The following RPS6KC1 variants were observed in gnomAD, a reference collection of about 807,000 sequenced individuals.
RPS6KC1 encodes inactive ribosomal protein S6 kinase delta-1.
In RPS6KC1, 54 loss-of-function variants were observed where a neutral mutation model predicts 103.8. That is an observed-to-expected ratio of 0.52 (90% CI 0.42 to 0.65). The LOEUF (loss-of-function observed/expected upper bound fraction) is 0.65. Among genes scored for constraint, RPS6KC1 ranks in the 30% least tolerant of loss-of-function variants. RPS6KC1 has a pLI of 0.00. For missense variants in RPS6KC1, 1,151 were observed against 1,253.8 expected, an observed-to-expected ratio of 0.92 and a Z score of 1.24; for synonymous variants, 439 against 438.7, an observed-to-expected ratio of 1.00 and a Z score of -0.01.
At chr1:213,124,546 G>A (rs1237346134) in intron 5 of RPS6KC1, among the ~76,000 whole-genome samples, 1 of 152,120 alleles carries the variant, frequency 6.6e-6, no homozygotes, top group East Asian at 1.9e-4. Context: ...TTGAATTGTA[G>A]TGTGATTTCT....
At chr1:213,167,700 T>C (rs1309408834) in intron 6 of RPS6KC1, among the ~76,000 whole-genome samples, 158 bp from the exon 7 acceptor site, 2 of 152,218 alleles carry the variant, frequency 1.3e-5, no homozygotes, top group Non-Finnish European at 2.9e-5. Flanking sequence ...ATAGTTAGAC[T>C]TGGTTGATAC....
chr1:213,152,152 C>T (rs1206261255), intron 6 of RPS6KC1, among the ~76,000 whole-genome samples: 7 of 140,450 alleles, frequency 5.0e-5, no homozygotes, highest in African/African-American at 8.1e-5. Context: ...CCCCTCACCT[C>T]CTGGACGGGG....
chr1:213,628,896 AG>A, the RPS6KC1 span, among the ~76,000 whole-genome samples: 1 of 152,052 alleles, frequency 6.6e-6, no homozygotes, highest in African/African-American at 2.4e-5. Flanking sequence ...AGCAGTTTTG[AG>A]TGAGTTTCTT....
chr1:213,142,400 G>T (rs2087167827), intron 6 of RPS6KC1, among the ~76,000 whole-genome samples: 1 of 152,020 alleles, frequency 6.6e-6, no homozygotes, highest in Non-Finnish European at 1.5e-5. Flanking sequence ...TTACTGGGGA[G>T]CTAGTACGGT....
chr1:213,114,234 C>T (rs1243538162), intron 4 of RPS6KC1, among the ~76,000 whole-genome samples: 1 of 151,614 alleles, frequency 6.6e-6, no homozygotes, highest in South Asian at 2.1e-4. Flanking sequence ...CTTTTATTTC[C>T]TTGAGCAGTG....
At chr1:213,735,568 T>C in the RPS6KC1 span, among the ~76,000 whole-genome samples, 47 of 152,348 alleles carry the variant, frequency 3.1e-4, no homozygotes, top group African/African-American at 7.2e-4. Flanking sequence ...ATGTTCTACC[T>C]ACATTGCTAG....
the RPS6KC1 span, among the ~76,000 whole-genome samples, chr1:213,393,657 A>G: frequency 6.6e-6 from 1 of 152,172 alleles, no homozygotes; most frequent in Non-Finnish European, 1.5e-5. Context: ...AATGACTATG[A>G]GATTGTCATA....
the RPS6KC1 span, among the ~76,000 whole-genome samples, chr1:213,712,172 T>G: frequency 1.3e-5 from 2 of 152,210 alleles, no homozygotes; most frequent in Non-Finnish European, 2.9e-5. Flanking sequence ...TCTATAAGCC[T>G]CTGACTGGGG....
chr1:213,225,040 T>C (rs1213391905), intron 8 of RPS6KC1, among the ~76,000 whole-genome samples: 1 of 151,766 alleles, frequency 6.6e-6, no homozygotes, highest in African/African-American at 2.4e-5. Flanking sequence ...GCTCTATAAA[T>C]AACTTTAAGA....
the RPS6KC1 span, among the ~76,000 whole-genome samples, chr1:213,402,133 A>G: frequency 2.0e-5 from 3 of 152,162 alleles, no homozygotes; most frequent in Non-Finnish European, 2.9e-5. Context: ...ATTCCTCCCA[A>G]GGAGCCAGGA....
chr1:213,560,341 T>C, the RPS6KC1 span, among the ~76,000 whole-genome samples: 1 of 152,150 alleles, frequency 6.6e-6, no homozygotes. Flanking sequence ...ATATTTAAAA[T>C]ATGGCAGAGA....
At chr1:213,057,261 A>T (rs1267407990) in intron 1 of RPS6KC1, among the ~76,000 whole-genome samples, 1 of 151,922 alleles carries the variant, frequency 6.6e-6, no homozygotes, top group African/African-American at 2.4e-5. Context: ...TTTTAACTGT[A>T]TATTCTTGGT....
intron 2 of RPS6KC1, among the ~76,000 whole-genome samples, chr1:213,074,665 A>G (rs2079148209): frequency 6.6e-6 from 1 of 152,012 alleles, no homozygotes. Flanking sequence ...ATAGGATTGA[A>G]TAAATTAGGG....
the RPS6KC1 span, among the ~76,000 whole-genome samples, chr1:213,540,802 T>C: frequency 6.6e-6 from 1 of 152,124 alleles, no homozygotes; most frequent in Non-Finnish European, 1.5e-5. Flanking sequence ...TCTCAAGCCC[T>C]GTCACTGCTT....
At chr1:213,754,071 A>G in the RPS6KC1 span, among the ~76,000 whole-genome samples, 1 of 152,042 alleles carries the variant, frequency 6.6e-6, no homozygotes, top group African/African-American at 2.4e-5. Context: ...TCCCCGTTTC[A>G]CTGCTGCTTC....
At chr1:213,559,744 A>C in the RPS6KC1 span, among the ~76,000 whole-genome samples, 1 of 152,224 alleles carries the variant, frequency 6.6e-6, no homozygotes, top group Non-Finnish European at 1.5e-5. Flanking sequence ...TCTATGTGTA[A>C]TTTAATTTTT....
the RPS6KC1 span, among the ~76,000 whole-genome samples, chr1:213,402,320 G>C: frequency 1.3e-5 from 2 of 152,286 alleles, no homozygotes; most frequent in Non-Finnish European, 2.9e-5. Context: ...GGTGGTGCAG[G>C]AGCTGACACT....
chr1:213,509,857 T>C, the RPS6KC1 span, among the ~76,000 whole-genome samples: 1 of 152,250 alleles, frequency 6.6e-6, no homozygotes, highest in Admixed American at 6.5e-5. Flanking sequence ...TTATCTCTTT[T>C]ATTATGTCCA....
the RPS6KC1 span, among the ~76,000 whole-genome samples, chr1:213,719,552 A>C: frequency 9.0e-6 from 1 of 111,636 alleles, no homozygotes; most frequent in East Asian, 3.0e-4. Flanking sequence ...AACATTTCTT[A>C]GTTCGTTTTT....
Sources: allele counts gnomAD v4.1 joint callset (sites outside exome capture counted in the v4.1 genomes callset), GRCh38; gene constraint gnomAD v4.1.1; transcripts MANE v1.5; gene names NCBI Gene and HGNC (gene_info 2026-07-23, HGNC 2026-07-21).